The following WDR89 variants were observed in gnomAD, a reference collection of about 807,000 sequenced individuals.
The protein encoded by WDR89 is WD repeat-containing protein 89.
Under a neutral mutation model 29.1 loss-of-function variants are expected in WDR89, and 17 were observed. The observed-to-expected ratio is 0.58, with a 90% CI of 0.40 to 0.88. The LOEUF (loss-of-function observed/expected upper bound fraction) is 0.88, where lower values mean the gene tolerates loss of function less well. Among genes scored for constraint, WDR89 ranks in the 40% least tolerant of loss-of-function variants. The pLI is 0.00. For synonymous variants in WDR89, 138 were observed against 157.8 expected (o/e 0.87, Z 0.94); for missense variants, 396 against 456.3 (o/e 0.87, Z 1.20).
intron 2 of WDR89, chr14:63,621,858 T>C (rs907907177): frequency 1.3e-5 from 2 of 152,186 alleles, no homozygotes; most frequent in Non-Finnish European, 2.9e-5. Context: ...ACTACTGCAC[T>C]TGACTAGTCT....
At chr14:63,638,192 G>A (rs1171497548) in intron 1 of WDR89, among the ~76,000 whole-genome samples, 2 of 151,952 alleles carry the variant, frequency 1.3e-5, no homozygotes, top group African/African-American at 2.4e-5. Context: ...TAATCCACCC[G>A]CCTCGGCCTC....
chr14:63,605,205 T>TACACACACAC (rs778938395), intron 2 of WDR89, among the ~76,000 whole-genome samples: 2 of 128,078 alleles, frequency 1.6e-5, no homozygotes, highest in African/African-American at 8.3e-5. Flanking sequence ...CATATATACA[T>TACACACACAC]ACACATACAC....
rs145268468 is a variant in WDR89, at chr14:63,640,767, C to G, written c.-138+1037G>C. Among the ~76,000 whole-genome samples the G allele has an allele frequency of 8.5e-3, 1,287 of 151,092 alleles. 13 individuals carry two copies. The highest frequency in any genetic ancestry group is 0.029 in the African/African-American group (1,204 of 41,298). On this transcript the variant is annotated intron_variant, in intron 1 of 2. Transcript: ENST00000620954. ...CTGGGATTACTGGCGTGAGCCACCG[C>G]GCCCAGGCTTTTATTGACTTTAAAT...
At chr14:63,601,625 A>T in intron 2 of WDR89, 1 of 1,613,366 alleles carries the variant, frequency 6.2e-7, no homozygotes. Flanking sequence ...CTCAAGGAAA[A>T]GTATTGCAAG....
intron 2 of WDR89, among the ~76,000 whole-genome samples, chr14:63,619,411 A>C (rs927581325): frequency 6.6e-6 from 1 of 152,166 alleles, no homozygotes; most frequent in African/African-American, 2.4e-5. Context: ...TCTTCTATAC[A>C]TGATGTACAG....
At chr14:63,635,087 A>G (rs546379258) in intron 1 of WDR89, among the ~76,000 whole-genome samples, 3 of 152,184 alleles carry the variant, frequency 2.0e-5, no homozygotes, top group African/African-American at 4.8e-5. Flanking sequence ...TTTTGACACT[A>G]TTCCACAAGA....
intron 2 of WDR89, among the ~76,000 whole-genome samples, chr14:63,619,658 G>A (rs1440808143): frequency 6.6e-6 from 1 of 152,052 alleles, no homozygotes; most frequent in African/African-American, 2.4e-5. Context: ...TGGCAAAAAT[G>A]TAAAGAAACT....
intron 2 of WDR89, among the ~76,000 whole-genome samples, chr14:63,605,097 T>C (rs1032884259): frequency 3.9e-5 from 6 of 151,998 alleles, no homozygotes; most frequent in African/African-American, 1.4e-4. Flanking sequence ...TGCAGGGAGC[T>C]GTGATTGCAC....
At chr14:63,633,359 T>C (rs750757031) in intron 1 of WDR89, among the ~76,000 whole-genome samples, 14 of 152,238 alleles carry the variant, frequency 9.2e-5, no homozygotes, top group African/African-American at 1.7e-4. Flanking sequence ...CTTTAACATA[T>C]TAATGATTTT....
At chr14:63,632,884 T>C (rs80052211) in intron 1 of WDR89, among the ~76,000 whole-genome samples, 5,114 of 152,102 alleles carry the variant, frequency 0.034, 284 homozygotes, top group African/African-American at 0.12. Flanking sequence ...CTCCCAATAA[T>C]CCTAAAAGAT....
chr14:63,626,572 G>C lies in WDR89; in HGVS notation c.-137-1539C>G, dbSNP rs116717832. On this transcript the variant is annotated intron_variant, in intron 1 of 2. Coordinates refer to ENST00000620954, the MANE Select transcript of WDR89 (RefSeq NM_080666.4). The stretch of plus-strand genomic sequence containing the variant: ...CACGCCTGTAATCCCAGCTGCTTAG[G>C]AGGCTGAGAGGCATGAAAATGGCTT... Among the ~76,000 whole-genome samples the C allele has an allele frequency of 7.5e-3, 1,127 of 149,304 alleles. 12 individuals carry two copies. The highest frequency in any genetic ancestry group is 0.026 in the African/African-American group (1,080 of 40,840).
intron 2 of WDR89, among the ~76,000 whole-genome samples, chr14:63,617,153 T>C (rs1419211298): frequency 6.8e-6 from 1 of 147,748 alleles, no homozygotes; most frequent in Non-Finnish European, 1.5e-5. Flanking sequence ...CGATCTCGGC[T>C]CACTACAACC....
chr14:63,601,908 T>C, intron 2 of WDR89: 1 of 515,888 alleles, frequency 1.9e-6, no homozygotes, highest in South Asian at 2.8e-5. Context: ...CATATTTCTC[T>C]TTTATAATAA....
At chr14:63,611,195 G>C (rs1203646271) in intron 2 of WDR89, among the ~76,000 whole-genome samples, 1 of 151,834 alleles carries the variant, frequency 6.6e-6, no homozygotes, top group African/African-American at 2.4e-5. Flanking sequence ...AAATTAGCCG[G>C]GAGTGGTGGC....
At chr14:63,613,964 A>C (rs1468475982) in intron 2 of WDR89, among the ~76,000 whole-genome samples, 7 of 151,842 alleles carry the variant, frequency 4.6e-5, no homozygotes, top group Admixed American at 3.3e-4. Context: ...CTGAAATTTT[A>C]ATGATGATGA....
At chr14:63,640,498 C>G (rs1208912513) in intron 1 of WDR89, among the ~76,000 whole-genome samples, 1 of 145,190 alleles carries the variant, frequency 6.9e-6, no homozygotes, top group East Asian at 2.0e-4. Context: ...TTTTTTTTTT[C>G]TCTTTTTTGA....
chr14:63,606,582 C>T (rs183921441), intron 2 of WDR89, among the ~76,000 whole-genome samples: 140 of 151,650 alleles, frequency 9.2e-4, no homozygotes, highest in Non-Finnish European at 1.0e-3. Flanking sequence ...TAGGTCATAC[C>T]GTACAGCTCA....
At chr14:63,639,208 T>C (rs1883933992) in intron 1 of WDR89, among the ~76,000 whole-genome samples, 2 of 152,290 alleles carry the variant, frequency 1.3e-5, no homozygotes, top group Middle Eastern at 3.4e-3. Context: ...TTCATACTTC[T>C]GACCTCCAGA....
intron 2 of WDR89, chr14:63,601,734 G>C: frequency 6.8e-7 from 1 of 1,475,160 alleles, no homozygotes; most frequent in Non-Finnish European, 9.5e-7. Context: ...CCCATAACAT[G>C]GAGGCACCAA....
Sources: allele counts gnomAD v4.1 joint callset (sites outside exome capture counted in the v4.1 genomes callset), GRCh38; gene constraint gnomAD v4.1.1; transcripts MANE v1.5; gene names NCBI Gene and HGNC (gene_info 2026-07-23, HGNC 2026-07-21).